Variants in NKAIN2 observed in about 807,000 individuals in gnomAD.
The protein encoded by NKAIN2 is sodium/potassium-transporting ATPase subunit beta-1-interacting protein 2.
NKAIN2 carries 14 observed loss-of-function variants against 32.6 expected under a neutral mutation model. That is an observed-to-expected ratio of 0.43 (90% CI 0.28 to 0.67). The LOEUF (loss-of-function observed/expected upper bound fraction) is 0.67. NKAIN2 is among the 30% of genes least tolerant of loss of function. NKAIN2 has a pLI of 0.17. For missense variants in NKAIN2, 198 were observed against 258.3 expected, an observed-to-expected ratio of 0.77 and a Z score of 1.60; for synonymous variants, 80 against 87.2, an observed-to-expected ratio of 0.92 and a Z score of 0.46.
intron 2 of NKAIN2, among the ~76,000 whole-genome samples, chr6:124,301,023 A>C (rs1003475221): frequency 6.6e-6 from 1 of 152,206 alleles, no homozygotes; most frequent in African/African-American, 2.4e-5. Flanking sequence ...AAATGTCTCC[A>C]GGGCATGTCA....
chr6:124,396,849 T>G (rs546148704), intron 3 of NKAIN2, among the ~76,000 whole-genome samples: 2 of 152,198 alleles, frequency 1.3e-5, no homozygotes, highest in African/African-American at 2.4e-5. Context: ...AAAAGATGAA[T>G]TCTATTTGTT....
chr6:124,120,341 G>A (rs1186393910), intron 1 of NKAIN2, among the ~76,000 whole-genome samples: 2 of 152,044 alleles, frequency 1.3e-5, no homozygotes, highest in Non-Finnish European at 2.9e-5. Flanking sequence ...GTTGCAAATG[G>A]TATCCACCAA....
At chr6:124,558,538 T>C (rs1228796157) in intron 3 of NKAIN2, among the ~76,000 whole-genome samples, 1 of 152,232 alleles carries the variant, frequency 6.6e-6, no homozygotes, top group Non-Finnish European at 1.5e-5. Flanking sequence ...CCTGGCCATT[T>C]GTATCTTTAT....
At chr6:124,531,160 G>C (rs1008081014) in intron 3 of NKAIN2, among the ~76,000 whole-genome samples, 2 of 152,202 alleles carry the variant, frequency 1.3e-5, no homozygotes, top group African/African-American at 4.8e-5. Flanking sequence ...ACCTGACCAT[G>C]CTGGTACTCT....
chr6:124,384,525 A>G (rs1036146855), intron 3 of NKAIN2, among the ~76,000 whole-genome samples: 1 of 152,192 alleles, frequency 6.6e-6, no homozygotes, highest in Non-Finnish European at 1.5e-5. Flanking sequence ...GATTGTCCCT[A>G]TTAATCACAA....
chr6:124,731,013 A>C (rs1583749837), intron 4 of NKAIN2, among the ~76,000 whole-genome samples: 1 of 145,246 alleles, frequency 6.9e-6, no homozygotes, highest in East Asian at 2.0e-4. Flanking sequence ...ACAATGAGAT[A>C]CCATCTCACA....
rs143113999 is a variant in NKAIN2, at chr6:123,953,165, C to T, written c.54+148911C>T. Among the ~76,000 whole-genome samples the T allele has an allele frequency of 1.5e-3, 234 of 152,288 alleles. 2 individuals are homozygous for T. The highest frequency in any genetic ancestry group is 0.012 in the East Asian group (60 of 5,178). ...TTATCTGCACCAGTCCTGTCTGTGACTTCCTCAGTGGCTTAAGGTGTGGTT... is the reference window on the plus strand; with the variant it reads ...TTATCTGCACCAGTCCTGTCTGTGATTTCCTCAGTGGCTTAAGGTGTGGTT... On this transcript the variant is annotated intron_variant, in intron 1 of 6. Transcript: ENST00000368417.
At chr6:124,273,549 G>T (rs140694983) in intron 1 of NKAIN2, among the ~76,000 whole-genome samples, 338 of 152,218 alleles carry the variant, frequency 2.2e-3, no homozygotes, top group African/African-American at 7.7e-3. Context: ...TCAGATATTA[G>T]CATATATCAT....
chr6:124,431,850 G>A (rs974728987), intron 3 of NKAIN2, among the ~76,000 whole-genome samples: 4 of 151,970 alleles, frequency 2.6e-5, no homozygotes, highest in African/African-American at 7.3e-5. Context: ...TATGTAAAGA[G>A]ATATTTCCAC....
At chr6:124,633,497 A>C (rs558927871) in intron 3 of NKAIN2, among the ~76,000 whole-genome samples, 1 of 152,312 alleles carries the variant, frequency 6.6e-6, no homozygotes, top group East Asian at 1.9e-4. Flanking sequence ...TTAATAACTA[A>C]AAAGTGACCA....
At chr6:124,363,815 A>G (rs1799399035) in intron 3 of NKAIN2, among the ~76,000 whole-genome samples, 1 of 152,192 alleles carries the variant, frequency 6.6e-6, no homozygotes, top group Non-Finnish European at 1.5e-5. Flanking sequence ...TATATTAGAC[A>G]TTTACAGTTT....
intron 5 of NKAIN2, among the ~76,000 whole-genome samples, chr6:124,806,724 G>A (rs1161172457): frequency 1.3e-5 from 2 of 152,066 alleles, no homozygotes; most frequent in African/African-American, 4.8e-5. Flanking sequence ...ACCCATCAGT[G>A]TGCTGTATTC....
chr6:124,027,653 A>G (rs1562316295), intron 1 of NKAIN2, among the ~76,000 whole-genome samples: 1 of 152,170 alleles, frequency 6.6e-6, no homozygotes, highest in Non-Finnish European at 1.5e-5. Context: ...TTTGCTGGAC[A>G]CAGGCATTAT....
At chr6:124,451,072 C>T (rs999798474) in intron 3 of NKAIN2, among the ~76,000 whole-genome samples, 1 of 151,996 alleles carries the variant, frequency 6.6e-6, no homozygotes, top group African/African-American at 2.4e-5. Flanking sequence ...ACCTTTTAGC[C>T]CAAGCACACT....
chr6:124,350,002 C>T (rs1451035893), intron 2 of NKAIN2, among the ~76,000 whole-genome samples: 4 of 152,148 alleles, frequency 2.6e-5, no homozygotes, highest in African/African-American at 9.7e-5. Context: ...CAGACAATAT[C>T]TCAAAGTTTC....
intron 1 of NKAIN2, among the ~76,000 whole-genome samples, chr6:123,977,101 T>C (rs1401632019): frequency 2.0e-5 from 3 of 152,204 alleles, no homozygotes; most frequent in Non-Finnish European, 4.4e-5. Context: ...GCCTCTGGAA[T>C]AGCTGGGACC....
At chr6:123,864,146 AC>A (rs1468672606) in intron 1 of NKAIN2, among the ~76,000 whole-genome samples, 9 of 152,156 alleles carry the variant, frequency 5.9e-5, no homozygotes, top group Admixed American at 3.3e-4. Flanking sequence ...CTATAAAAAA[AC>A]ATTTTGGGAT....
chr6:124,451,917 G>A (rs140398107), intron 3 of NKAIN2, among the ~76,000 whole-genome samples: 5 of 151,420 alleles, frequency 3.3e-5, no homozygotes, highest in Non-Finnish European at 7.4e-5. Context: ...CTGGAGGCTC[G>A]ACATGGTGGC....
At chr6:124,730,315 C>T (rs990731955) in intron 4 of NKAIN2, among the ~76,000 whole-genome samples, 3 of 107,750 alleles carry the variant, frequency 2.8e-5, no homozygotes, top group African/African-American at 1.1e-4. Flanking sequence ...AACTATACTA[C>T]AAGGCTACAG....
Sources: gnomAD v4.1 joint callset for allele counts (sites outside exome capture counted in the v4.1 genomes callset) on GRCh38, gnomAD v4.1.1 for gene constraint, MANE v1.5 for transcripts, NCBI Gene and HGNC (gene_info 2026-07-23, HGNC 2026-07-21) for gene names.